DGKE: variants seen among roughly 807,000 people sequenced by gnomAD.
DGKE encodes DAG kinase epsilon.
In DGKE, 53 loss-of-function variants were observed where a neutral mutation model predicts 70.0. That is an observed-to-expected ratio of 0.76 (90% CI 0.61 to 0.95). The LOEUF (loss-of-function observed/expected upper bound fraction) is 0.95. Ranked by LOEUF, DGKE falls within the 40% of genes least tolerant of loss-of-function variation. The probability of loss-of-function intolerance (pLI) is 0.00; values close to 1 mark genes in which losing one functional copy is unlikely to be tolerated. For missense variants in DGKE, 655 were observed against 706.9 expected (o/e 0.93, Z 0.83); for synonymous variants, 291 against 257.0 (o/e 1.13, Z -1.27).
Position 56,862,716 on chromosome 17 carries a change from A to G in DGKE, c.1629A>G (p.Leu543=), listed in dbSNP as rs777799145. Residue 543 remains leucine (L), a synonymous_variant, in exon 12 of 12, where the codon TTA becomes TTG. Transcript: ENST00000284061. The part of the protein sequence containing the change: ...TITHKTHAMM[L]YFSGEQTDDD... ...CTCACAAGACACATGCAATGATGTT[A>G]TATTTCTCTGGAGAACAAACAGATG... The G allele has an allele frequency of 1.9e-6, 3 of 1,611,292 alleles. No homozygotes were observed. The highest frequency in any genetic ancestry group is 1.7e-5 in the Admixed American group (1 of 59,096).
At chr17:56,859,079 A>G in intron 9 of DGKE, among the ~76,000 whole-genome samples, 1 of 152,102 alleles carries the variant, frequency 6.6e-6, no homozygotes, top group Non-Finnish European at 1.5e-5. Flanking sequence ...ATAAAGACAC[A>G]GAGGAAGTTT....
intron 8 of DGKE, among the ~76,000 whole-genome samples, chr17:56,858,358 T>G (rs916380950): frequency 6.6e-6 from 1 of 152,242 alleles, no homozygotes; most frequent in Non-Finnish European, 1.5e-5. Context: ...TTGCTGCTCC[T>G]AGTGGATTCC....
At chr17:56,851,730 G>A (rs536205661) in intron 7 of DGKE, among the ~76,000 whole-genome samples, 4 of 152,338 alleles carry the variant, frequency 2.6e-5, no homozygotes, top group African/African-American at 9.6e-5. Flanking sequence ...CACAGTCCAG[G>A]AAGCTGAAGG....
chr17:56,863,517 A>G lies in DGKE; in HGVS notation c.*726A>G, dbSNP rs1345811026. The G allele has an allele frequency of 6.6e-6, 1 of 152,258 alleles. No individual in the cohort carries two copies. The highest frequency in any genetic ancestry group is 1.5e-5 in the Non-Finnish European group (1 of 68,050). The allele number at this position is 152,258 out of a possible 1,614,324, so 9.4% of individuals were successfully genotyped here. A position where few individuals can be genotyped will look rare whatever the true frequency, so the allele number is the denominator to read the frequency against. ...TGAATTGGTAAGAAATAAGATTCAGAGCACTTGGGATTGTAAGTTATAGGT... is the reference window on the plus strand; with the variant it reads ...TGAATTGGTAAGAAATAAGATTCAGGGCACTTGGGATTGTAAGTTATAGGT... On this transcript the variant is annotated 3_prime_UTR_variant, in exon 12 of 12. Coordinates refer to ENST00000284061, the MANE Select transcript of DGKE (RefSeq NM_003647.3).
At chr17:56,846,665 A>G (rs1907305532) in intron 4 of DGKE, among the ~76,000 whole-genome samples, 3 of 151,438 alleles carry the variant, frequency 2.0e-5, no homozygotes, top group African/African-American at 7.3e-5. Flanking sequence ...TTTAAAGACA[A>G]CCCATTGTGT....
chr17:56,848,582 A>G (rs1907452729), intron 5 of DGKE, 114 bp from the exon 6 acceptor site: 1 of 1,048,220 alleles, frequency 9.5e-7, no homozygotes, highest in African/African-American at 1.6e-5. Flanking sequence ...GCAAAACAAC[A>G]TACAGTTGTT....
chr17:56,857,661 C>T (rs1012523803), intron 8 of DGKE, among the ~76,000 whole-genome samples: 4 of 152,100 alleles, frequency 2.6e-5, no homozygotes, highest in South Asian at 2.1e-4. Flanking sequence ...TAGATTAATA[C>T]GCATTACTAT....
intron 7 of DGKE, among the ~76,000 whole-genome samples, chr17:56,852,059 A>G (rs947724935): frequency 1.3e-5 from 2 of 151,852 alleles, no homozygotes; most frequent in African/African-American, 2.4e-5. Context: ...CAGAGTGCAG[A>G]TAAGACCCCA....
chr17:56,844,165 CAG>C lies in DGKE; in HGVS notation c.613_614del (p.Asp205LeufsTer2). The C allele has an allele frequency of 6.5e-7, 1 of 1,526,910 alleles. No homozygotes were observed. The highest frequency in any genetic ancestry group is 8.8e-7 in the Non-Finnish European group (1 of 1,138,974). The allele number at this position is 1,526,910 out of a possible 1,614,324, so 94.6% of individuals were successfully genotyped here. ...AATCAGATGCGTAAAGACAAAAAAA[CAG>C]ATTATGAAGTGGTAATTAGAGTTTA... On this transcript the variant is annotated frameshift_variant, in exon 3 of 12. Transcript: ENST00000284061. LOFTEE classifies it high-confidence loss of function.
chr17:56,852,466 A>T (rs150228901), intron 7 of DGKE, among the ~76,000 whole-genome samples: 1 of 152,266 alleles, frequency 6.6e-6, no homozygotes, highest in African/African-American at 2.4e-5. Flanking sequence ...AGAAATATAG[A>T]GATAAATACC....
At chr17:56,841,036 G>A (rs1906948728) in intron 2 of DGKE, among the ~76,000 whole-genome samples, 1 of 151,978 alleles carries the variant, frequency 6.6e-6, no homozygotes, top group South Asian at 2.1e-4. Flanking sequence ...GACTGATGAG[G>A]TCGGGAGTTT....
chr17:56,852,796 C>G (rs181262694), intron 7 of DGKE, among the ~76,000 whole-genome samples: 1 of 152,162 alleles, frequency 6.6e-6, no homozygotes, highest in Non-Finnish European at 1.5e-5. Flanking sequence ...TTTTCATTTG[C>G]AATTCTCTGA....
At chr17:56,844,847 A>G (rs1176025932) in intron 3 of DGKE, among the ~76,000 whole-genome samples, 1 of 152,194 alleles carries the variant, frequency 6.6e-6, no homozygotes, top group African/African-American at 2.4e-5. Context: ...AGGAAACATC[A>G]TAAAAATTTA....
intron 7 of DGKE, among the ~76,000 whole-genome samples, chr17:56,853,800 C>G (rs1044636455): frequency 2.0e-5 from 3 of 152,040 alleles, no homozygotes; most frequent in Non-Finnish European, 4.4e-5. Context: ...TCCAGCAATC[C>G]CATTTATAGA....
chr17:56,846,827 C>T (rs1489709675), intron 4 of DGKE, among the ~76,000 whole-genome samples: 1 of 151,980 alleles, frequency 6.6e-6, no homozygotes, highest in Non-Finnish European at 1.5e-5. Flanking sequence ...TTGTTCTTTC[C>T]ATTAATTATC....
intron 2 of DGKE, among the ~76,000 whole-genome samples, chr17:56,837,251 C>T (rs554947328): frequency 2.6e-5 from 4 of 152,176 alleles, no homozygotes; most frequent in Admixed American, 6.5e-5. Flanking sequence ...AACCCCAGAC[C>T]TACTAAATCA....
At chr17:56,860,087 C>G (rs959744244) in intron 9 of DGKE, among the ~76,000 whole-genome samples, 1 of 151,934 alleles carries the variant, frequency 6.6e-6, no homozygotes, top group Non-Finnish European at 1.5e-5. Flanking sequence ...ATTTTATTGT[C>G]TGACATTTTA....
chr17:56,851,640 T>C (rs1476323619), intron 7 of DGKE, among the ~76,000 whole-genome samples: 1 of 152,180 alleles, frequency 6.6e-6, no homozygotes, highest in Non-Finnish European at 1.5e-5. Flanking sequence ...AGCCAAGGAT[T>C]GGAGGCACAA....
intron 7 of DGKE, among the ~76,000 whole-genome samples, chr17:56,850,219 G>A (rs1907565824): frequency 6.6e-6 from 1 of 151,892 alleles, no homozygotes; most frequent in African/African-American, 2.4e-5. Context: ...TCGACCTCTG[G>A]GCCCAAGCGA....
Sources: gnomAD v4.1 joint callset for allele counts (sites outside exome capture counted in the v4.1 genomes callset) on GRCh38, gnomAD v4.1.1 for gene constraint, MANE v1.5 for transcripts, NCBI Gene and HGNC (gene_info 2026-07-23, HGNC 2026-07-21) for gene names.